SPTBN1: variants seen among roughly 807,000 people sequenced by gnomAD.
SPTBN1 encodes the protein spectrin beta, non-erythrocytic 1.
In SPTBN1, 32 loss-of-function variants were observed where a neutral mutation model predicts 266.4. The ratio of observed to expected loss-of-function variants is 0.12; its 90% CI spans 0.09 to 0.16. The LOEUF (loss-of-function observed/expected upper bound fraction) is 0.16. Among genes scored for constraint, SPTBN1 ranks in the 10% least tolerant of loss-of-function variants. The probability of loss-of-function intolerance (pLI) is 1.00; values close to 1 mark genes in which losing one functional copy is unlikely to be tolerated. For synonymous variants in SPTBN1, 1,336 were observed against 1,162.2 expected, an observed-to-expected ratio of 1.15 and a Z score of -3.04; for missense variants, 2,296 against 3,067.1, an observed-to-expected ratio of 0.75 and a Z score of 5.94.
At chr2:54,612,068 T>G in intron 3 of SPTBN1, 93 bp from the exon 4 acceptor site, 1 of 1,244,426 alleles carries the variant, frequency 8.0e-7, no homozygotes, top group Non-Finnish European at 1.1e-6. Context: ...GGGAGAGCAT[T>G]GCATGAATGG....
intron 18 of SPTBN1, among the ~76,000 whole-genome samples, chr2:54,641,103 A>G (rs1297779378): frequency 6.6e-6 from 1 of 152,350 alleles, no homozygotes; most frequent in East Asian, 1.9e-4. Flanking sequence ...TCTGCAGAGA[A>G]TGAGTAAATT....
chr2:54,658,656 A>G (rs1680833962), intron 30 of SPTBN1, among the ~76,000 whole-genome samples: 1 of 152,236 alleles, frequency 6.6e-6, no homozygotes, highest in South Asian at 2.1e-4. Context: ...CTTCTGGTAC[A>G]TCCATATGAC....
At chr2:54,459,211 C>G (rs1573190553) in intron 1 of SPTBN1, among the ~76,000 whole-genome samples, 1 of 152,202 alleles carries the variant, frequency 6.6e-6, no homozygotes, top group East Asian at 1.9e-4. Context: ...AAACCTTCAT[C>G]TGAGAGGAGA....
In SPTBN1 at chr2:54,629,775, C is replaced by T. The variant is rs1484941635; in HGVS notation, c.2641C>T (p.Leu881=). 1 of 1,609,498 alleles carries T rather than the reference C, an allele frequency of 6.2e-7. No homozygotes were observed. Among genetic ancestry groups the T allele is most frequent in the Non-Finnish European group, 8.5e-7 (1 of 1,179,152 alleles). Residue 881 remains leucine (L), a synonymous_variant, in exon 14 of 36, where the codon CTG becomes TTG. Coordinates refer to ENST00000356805, the MANE Select transcript of SPTBN1 (RefSeq NM_003128.3). ...CAACAACATGCAGATCCCAGAGAAG[C>T]TGGAGGATCTGGAGGTCATCCAGCA... is the stretch of plus-strand genomic sequence containing the variant. ...WLNNMQIPEK[L]EDLEVIQHRF...
At position 54,580,433 on chromosome 2, in the gene SPTBN1, T is replaced by G. The variant is rs1159163756; in HGVS notation, c.149-18659T>G. On this transcript the variant is annotated intron_variant, in intron 2 of 35. Coordinates refer to ENST00000356805, the MANE Select transcript of SPTBN1 (RefSeq NM_003128.3). ...CCATACCAGCTTTTCACATCCTGTT[T>G]CTTGAGAATACATAAAGAGCACATT... 3.3e-5 allele frequency among the ~76,000 whole-genome samples: 5 copies of G among 152,310 alleles called. No homozygotes were observed. In the East Asian group the frequency reaches 9.6e-4, roughly 29 times the overall value.
intron 26 of SPTBN1, among the ~76,000 whole-genome samples, chr2:54,651,547 C>T (rs1225211829): frequency 6.6e-6 from 1 of 152,180 alleles, no homozygotes; most frequent in African/African-American, 2.4e-5. Context: ...GTGCCACTGT[C>T]TCCATTCTGC....
chr2:54,562,935 A>G (rs910358704), intron 2 of SPTBN1, among the ~76,000 whole-genome samples: 2 of 152,120 alleles, frequency 1.3e-5, no homozygotes, highest in East Asian at 1.9e-4. Context: ...TGTCAGGGTT[A>G]CTGGGAAAAA....
intron 2 of SPTBN1, among the ~76,000 whole-genome samples, chr2:54,574,987 G>A (rs62134680): frequency 0.14 from 20,648 of 152,172 alleles, 1,523 homozygotes; most frequent in Middle Eastern, 0.25. Context: ...TGAGGTGGCA[G>A]CCTCATTTAG....
intron 2 of SPTBN1, among the ~76,000 whole-genome samples, chr2:54,552,460 T>G (rs990520776): frequency 1.1e-5 from 1 of 94,740 alleles, no homozygotes; most frequent in Non-Finnish European, 2.0e-5. Flanking sequence ...CAGGTCTGCT[T>G]TTTTCTTTTT....
intron 1 of SPTBN1, among the ~76,000 whole-genome samples, chr2:54,507,648 A>G (rs994822279): frequency 6.6e-6 from 1 of 152,172 alleles, no homozygotes; most frequent in East Asian, 1.9e-4. Context: ...GACCCAGGAC[A>G]TCTAATTAGA....
At chr2:54,575,166 TTTG>T (rs1377895760) in intron 2 of SPTBN1, among the ~76,000 whole-genome samples, 1 of 152,230 alleles carries the variant, frequency 6.6e-6, no homozygotes, top group Non-Finnish European at 1.5e-5. Flanking sequence ...TTTTTTTTGT[TTTG>T]TTTTAAATCC....
intron 7 of SPTBN1, 43 bp from the exon 8 acceptor site, chr2:54,621,357 A>ACC (rs151162357): frequency 0.062 from 92,083 of 1,486,196 alleles, 3,273 homozygotes; most frequent in Middle Eastern, 0.086. Flanking sequence ...GGTGGGGCAC[A>ACC]GTAGCATGCA....
chr2:54,589,419 G>A (rs1436086865), intron 2 of SPTBN1, among the ~76,000 whole-genome samples: 1 of 152,198 alleles, frequency 6.6e-6, no homozygotes, highest in Non-Finnish European at 1.5e-5. Context: ...CAGAAGAAAG[G>A]CCCTCTGGAA....
chr2:54,483,524 G>A lies in SPTBN1; in HGVS notation c.-48+27006G>A, dbSNP rs896241246. Among the ~76,000 whole-genome samples the A allele has an allele frequency of 4.6e-5, 7 of 152,184 alleles. No homozygotes were observed. In the East Asian group the frequency reaches 7.7e-4, roughly 17 times the overall value. ...ACGTGGAGAGGCTGTCTGGAAGCCC[G>A]CAGTCTGGTCTGTACCATCCAGGCT... On this transcript the variant is annotated intron_variant, in intron 1 of 35. Transcript: ENST00000356805.
intron 1 of SPTBN1, among the ~76,000 whole-genome samples, chr2:54,472,756 G>T (rs1693995063): frequency 6.6e-6 from 1 of 152,028 alleles, no homozygotes. Context: ...TAGTTTGGGT[G>T]CTCTGAATAT....
At chr2:54,530,353 C>CTTTTTTTTTTTTTTTTTTTTTTTTTTTT (rs549491367) in intron 2 of SPTBN1, among the ~76,000 whole-genome samples, 1 of 73,882 alleles carries the variant, frequency 1.4e-5, no homozygotes, top group Non-Finnish European at 2.4e-5. Flanking sequence ...TTGTAAAAAA[C>CTTTTTTTTTTTTTTTTTTTTTTTTTTTT]TTTTTTTTTT....
intron 4 of SPTBN1, among the ~76,000 whole-genome samples, chr2:54,615,583 A>T (rs1047412033): frequency 1.1e-4 from 17 of 152,180 alleles, no homozygotes; most frequent in African/African-American, 4.1e-4. Flanking sequence ...CATTATTTCC[A>T]TTCCTCAGAT....
intron 2 of SPTBN1, among the ~76,000 whole-genome samples, chr2:54,557,393 AG>A (rs1447208183): frequency 1.4e-5 from 2 of 145,290 alleles, no homozygotes; most frequent in African/African-American, 5.1e-5. Flanking sequence ...GTGAGGAAAA[AG>A]GGGGGACAGG....
intron 7 of SPTBN1, among the ~76,000 whole-genome samples, chr2:54,620,532 T>A (rs1455765713): frequency 6.6e-6 from 1 of 152,202 alleles, no homozygotes; most frequent in Non-Finnish European, 1.5e-5. Flanking sequence ...ATCTGCAATT[T>A]CACCTCCTTA....
Sources: gnomAD v4.1 joint callset for allele counts (sites outside exome capture counted in the v4.1 genomes callset) on GRCh38, gnomAD v4.1.1 for gene constraint, MANE v1.5 for transcripts, NCBI Gene and HGNC (gene_info 2026-07-23, HGNC 2026-07-21) for gene names.